The following DCPH1 variants were observed in gnomAD, a reference collection of about 807,000 sequenced individuals.
DCPH1 encodes the protein damage control phosphatase 1, also known as damage-control phosphatase 1.
chr6:151,467,259 A>G, the DCPH1 span, among the ~76,000 whole-genome samples: 1 of 151,840 alleles, frequency 6.6e-6, no homozygotes, highest in Admixed American at 6.6e-5. Context: ...CAAAAAAAAA[A>G]AAAACAAAAC....
the DCPH1 span, among the ~76,000 whole-genome samples, chr6:151,460,958 G>A: frequency 2.6e-5 from 4 of 152,152 alleles, no homozygotes; most frequent in African/African-American, 9.7e-5. Flanking sequence ...AACAGTTTAG[G>A]TGATTGGGCT....
At chr6:151,454,200 A>G in the DCPH1 span, among the ~76,000 whole-genome samples, 1 of 152,188 alleles carries the variant, frequency 6.6e-6, no homozygotes, top group East Asian at 1.9e-4. Context: ...ACCTGGGACA[A>G]GAGCCTGTTT....
chr6:151,466,302 A>G, the DCPH1 span, among the ~76,000 whole-genome samples: 1 of 152,134 alleles, frequency 6.6e-6, no homozygotes, highest in Non-Finnish European at 1.5e-5. Flanking sequence ...TTAAAAAAAA[A>G]AAGACTGGCA....
At chr6:151,459,139 T>A in the DCPH1 span, among the ~76,000 whole-genome samples, 1 of 152,100 alleles carries the variant, frequency 6.6e-6, no homozygotes, top group Admixed American at 6.5e-5. Context: ...TCTGTCTCAA[T>A]AAAATAGATA....
At chr6:151,458,481 G>A in the DCPH1 span, 2 of 1,613,080 alleles carry the variant, frequency 1.2e-6, no homozygotes, top group Non-Finnish European at 1.7e-6. Flanking sequence ...TCTTTTAAAT[G>A]AAAGTGATGG....
the DCPH1 span, among the ~76,000 whole-genome samples, chr6:151,463,704 A>T: frequency 6.6e-6 from 1 of 152,206 alleles, no homozygotes; most frequent in South Asian, 2.1e-4. Context: ...TTACCCTAAC[A>T]TGAATGACCC....
chr6:151,466,727 A>G, the DCPH1 span, among the ~76,000 whole-genome samples: 1 of 152,176 alleles, frequency 6.6e-6, no homozygotes, highest in Admixed American at 6.5e-5. Flanking sequence ...TTGAGGGAAT[A>G]TAGACAATGA....
the DCPH1 span, among the ~76,000 whole-genome samples, chr6:151,455,178 T>C: frequency 6.6e-6 from 1 of 152,232 alleles, no homozygotes; most frequent in Non-Finnish European, 1.5e-5. Flanking sequence ...ATTCAATTAA[T>C]GGATGAGGAA....
the DCPH1 span, chr6:151,469,192 C>T: frequency 3.0e-5 from 36 of 1,213,530 alleles, no homozygotes; most frequent in Middle Eastern, 8.6e-4. Context: ...TGAATTGAGT[C>T]GCCTGGCGGC....
the DCPH1 span, among the ~76,000 whole-genome samples, chr6:151,460,053 A>T: frequency 3.3e-5 from 5 of 152,026 alleles, no homozygotes; most frequent in Admixed American, 6.6e-5. Flanking sequence ...ACACACACGT[A>T]TATATTTTGT....
the DCPH1 span, among the ~76,000 whole-genome samples, chr6:151,461,701 T>C: frequency 5.0e-3 from 760 of 152,260 alleles, 5 homozygotes; most frequent in African/African-American, 0.016. Flanking sequence ...TTTAGATTAT[T>C]GTGTTGGAAT....
At chr6:151,460,310 A>C in the DCPH1 span, among the ~76,000 whole-genome samples, 1 of 151,286 alleles carries the variant, frequency 6.6e-6, no homozygotes, top group South Asian at 2.1e-4. Context: ...GCTGGCCTTG[A>C]ACTCCTGACC....
At chr6:151,466,343 C>T in the DCPH1 span, among the ~76,000 whole-genome samples, 1 of 151,400 alleles carries the variant, frequency 6.6e-6, no homozygotes, top group African/African-American at 2.4e-5. Flanking sequence ...CTAGCCCATT[C>T]TTTCAGGGAA....
the DCPH1 span, among the ~76,000 whole-genome samples, chr6:151,455,953 C>CAA: frequency 6.6e-6 from 1 of 152,270 alleles, no homozygotes; most frequent in African/African-American, 2.4e-5. Flanking sequence ...AAGGAGTATG[C>CAA]TGCCTTCAAG....
chr6:151,453,648 A>G, the DCPH1 span, among the ~76,000 whole-genome samples: 1 of 152,234 alleles, frequency 6.6e-6, no homozygotes, highest in Non-Finnish European at 1.5e-5. Flanking sequence ...ACAATCTAGT[A>G]ATTTAACAAT....
At chr6:151,459,944 A>G in the DCPH1 span, among the ~76,000 whole-genome samples, 1 of 152,224 alleles carries the variant, frequency 6.6e-6, no homozygotes, top group African/African-American at 2.4e-5. Flanking sequence ...GACAATTTAA[A>G]GTGACCTATC....
the DCPH1 span, among the ~76,000 whole-genome samples, chr6:151,458,856 G>A: frequency 6.6e-6 from 1 of 152,180 alleles, no homozygotes; most frequent in Non-Finnish European, 1.5e-5. Context: ...AGTACGAATT[G>A]GCCAGGCCCT....
chr6:151,465,549 G>A, the DCPH1 span, among the ~76,000 whole-genome samples: 1 of 152,114 alleles, frequency 6.6e-6, no homozygotes, highest in Non-Finnish European at 1.5e-5. Flanking sequence ...GAGAGGTAGC[G>A]GGGTGGAAGG....
At chr6:151,461,745 C>A in the DCPH1 span, among the ~76,000 whole-genome samples, 1 of 152,144 alleles carries the variant, frequency 6.6e-6, no homozygotes, top group African/African-American at 2.4e-5. Flanking sequence ...TGGGGTGGGG[C>A]CTGGGTATCA....
Sources: allele counts gnomAD v4.1 joint callset (sites outside exome capture counted in the v4.1 genomes callset), GRCh38; gene constraint gnomAD v4.1.1; transcripts MANE v1.5; gene names NCBI Gene and HGNC (gene_info 2026-07-23, HGNC 2026-07-21).